Variants in TTLL7 observed in about 807,000 individuals in gnomAD.
TTLL7 encodes tubulin polyglutamylase TTLL7.
A neutral mutation model predicts 120.2 loss-of-function variants in TTLL7; 53 were observed. The observed-to-expected ratio is 0.44, with a 90% confidence interval of 0.35 to 0.55. TTLL7 has a LOEUF of 0.55. TTLL7 is among the 20% of genes least tolerant of loss of function. TTLL7 has a pLI of 0.00. For missense variants in TTLL7, 803 were observed against 1,054.7 expected (o/e 0.76, Z 3.31); for synonymous variants, 353 against 351.7 (o/e 1.00, Z -0.04).
Position 83,937,948 on chromosome 1 carries a change from T to G in TTLL7, c.792A>C (p.Glu264Asp). 1 of 1,614,062 alleles carries G rather than the reference T, an allele frequency of 6.2e-7. No individual in the cohort carries two copies. ...AACGTTTGCTGCCTTTGTTCTCAGT[T>G]TCATCCCGTTCAAAATGCTCATTAT... Reference protein sequence around the residue: ...NKHNEHFERDETENKGSKRSI... With the variant: ...NKHNEHFERDDTENKGSKRSI... Residue 264 changes from glutamate (E) to aspartate (D), a missense_variant, in exon 8 of 21, where the codon GAA becomes GAC. Coordinates refer to ENST00000260505, the MANE Select transcript of TTLL7 (RefSeq NM_024686.6).
chr1:83,941,372 T>C (rs1360329935), intron 7 of TTLL7, among the ~76,000 whole-genome samples: 1 of 152,240 alleles, frequency 6.6e-6, no homozygotes, highest in Non-Finnish European at 1.5e-5. Context: ...CAGAATGTAG[T>C]AGAGTTCAAA....
At chr1:83,944,428 C>T (rs1333744468) in intron 6 of TTLL7, among the ~76,000 whole-genome samples, 3 of 152,094 alleles carry the variant, frequency 2.0e-5, no homozygotes, top group East Asian at 1.9e-4. Flanking sequence ...AAGTTCTGGC[C>T]GGGCACAGTG....
chr1:83,958,402 A>G (rs1649717529), intron 1 of TTLL7, among the ~76,000 whole-genome samples: 1 of 152,204 alleles, frequency 6.6e-6, no homozygotes, highest in Non-Finnish European at 1.5e-5. Context: ...TGTAACAAAA[A>G]ATATATCCAA....
intron 1 of TTLL7, among the ~76,000 whole-genome samples, chr1:83,995,918 T>C (rs1025543188): frequency 2.0e-5 from 3 of 152,194 alleles, no homozygotes; most frequent in Non-Finnish European, 4.4e-5. Flanking sequence ...TGGAAAATTA[T>C]GTAGTCATTT....
intron 19 of TTLL7, among the ~76,000 whole-genome samples, chr1:83,883,652 G>T (rs1418819971): frequency 2.6e-5 from 4 of 151,926 alleles, no homozygotes; most frequent in African/African-American, 9.7e-5. Context: ...CTATATTAAG[G>T]TATTTGTAAA....
chr1:83,912,485 T>C (rs967849593), intron 14 of TTLL7: 1 of 152,206 alleles, frequency 6.6e-6, no homozygotes, highest in African/African-American at 2.4e-5. Context: ...CCTTCAGTTG[T>C]ATACTAGTTG....
rs368678219 is a variant in TTLL7, at chr1:83,921,100, T to C, written c.1351A>G (p.Met451Val). 1.8e-5 allele frequency: 29 copies of C among 1,612,656 alleles called. No individual in the cohort carries two copies. Among genetic ancestry groups the C allele is most frequent in the Non-Finnish European group, 2.5e-5 (29 of 1,179,466 alleles). The change falls in exon 12 of 21, where the codon ATG becomes GTG. Residue 451 changes from methionine (M) to valine (V), a missense_variant. Coordinates refer to ENST00000260505, the MANE Select transcript of TTLL7 (RefSeq NM_024686.6). Reference protein sequence around the residue: ...ISREEHENRHMGNYRRIYPPE... With the variant: ...ISREEHENRHVGNYRRIYPPE... ...CAGCACAGTTACCTATAATTCCCCA[T>C]ATGTCGATTTTCATGTTCTTCTCGT...
chr1:83,881,186 G>A (rs1654425269), intron 20 of TTLL7, among the ~76,000 whole-genome samples: 1 of 151,588 alleles, frequency 6.6e-6, no homozygotes, highest in Non-Finnish European at 1.5e-5. Context: ...CATGGGCAAG[G>A]ACTTCATGTC....
chr1:83,948,101 T>G (rs1222465402), intron 5 of TTLL7, among the ~76,000 whole-genome samples: 1 of 151,900 alleles, frequency 6.6e-6, no homozygotes, highest in African/African-American at 2.4e-5. Flanking sequence ...ACATGTGTCT[T>G]TGAGTAAGTG....
intron 9 of TTLL7, 55 bp downstream of exon 9, chr1:83,933,553 A>C: frequency 6.4e-7 from 1 of 1,550,756 alleles, no homozygotes; most frequent in African/African-American, 1.4e-5. Context: ...TAAAGCATTT[A>C]TTTTAATACG....
chr1:83,970,674 G>C (rs12135679), intron 1 of TTLL7, among the ~76,000 whole-genome samples: 4,343 of 152,160 alleles, frequency 0.029, 67 homozygotes, highest in Middle Eastern at 0.082. Context: ...TTTTAATTGA[G>C]GGTGTTATCC....
intron 1 of TTLL7, among the ~76,000 whole-genome samples, chr1:83,998,592 G>C (rs1416142330): frequency 6.6e-6 from 1 of 152,218 alleles, no homozygotes; most frequent in Non-Finnish European, 1.5e-5. Context: ...CGGAATTACA[G>C]AATAAACCAG....
At chr1:83,924,337 G>A (rs974572629) in intron 10 of TTLL7, among the ~76,000 whole-genome samples, 4 of 152,150 alleles carry the variant, frequency 2.6e-5, no homozygotes, top group Admixed American at 6.6e-5. Flanking sequence ...CGAATGTGCC[G>A]ACAAAATATG....
chr1:83,893,411 T>G (rs1215882356), intron 18 of TTLL7, among the ~76,000 whole-genome samples: 2 of 152,054 alleles, frequency 1.3e-5, no homozygotes, highest in African/African-American at 2.4e-5. Context: ...CACCAAATAC[T>G]AATATTCTGA....
chr1:83,892,672 G>GAACATATGAATGAACATATA (rs1287064110), intron 18 of TTLL7, among the ~76,000 whole-genome samples: 6 of 144,092 alleles, frequency 4.2e-5, no homozygotes, highest in Non-Finnish European at 9.2e-5. Flanking sequence ...ACATATATAT[G>GAACATATGAATGAACATATA]AACATATGAA....
chr1:83,932,823 C>T (rs923244629), intron 9 of TTLL7, among the ~76,000 whole-genome samples: 4 of 152,138 alleles, frequency 2.6e-5, no homozygotes, highest in South Asian at 2.1e-4. Flanking sequence ...GATATTTAAG[C>T]GGCCACGAGA....
chr1:83,985,359 G>A (rs116439891), intron 1 of TTLL7, among the ~76,000 whole-genome samples: 6,342 of 152,278 alleles, frequency 0.042, 155 homozygotes, highest in Middle Eastern at 0.099. Flanking sequence ...AGAAGGCTCA[G>A]CAAGCAAAGC....
intron 1 of TTLL7, among the ~76,000 whole-genome samples, chr1:83,958,535 T>C (rs1485848462): frequency 6.6e-6 from 1 of 152,214 alleles, no homozygotes; most frequent in African/African-American, 2.4e-5. Context: ...AAGGCAGTTG[T>C]ATATGCAAAA....
At chr1:83,975,857 T>A (rs1263349953) in intron 1 of TTLL7, among the ~76,000 whole-genome samples, 1 of 152,122 alleles carries the variant, frequency 6.6e-6, no homozygotes, top group African/African-American at 2.4e-5. Context: ...CTGTTTCATA[T>A]TTAAATACAG....
Sources: allele counts gnomAD v4.1 joint callset (sites outside exome capture counted in the v4.1 genomes callset), GRCh38; gene constraint gnomAD v4.1.1; transcripts MANE v1.5; gene names NCBI Gene and HGNC (gene_info 2026-07-23, HGNC 2026-07-21).